COPG2: variants seen among roughly 807,000 people sequenced by gnomAD.
The protein encoded by COPG2 is coatomer subunit gamma-2.
In COPG2, 37 loss-of-function variants were observed where a neutral mutation model predicts 46.3. The ratio of observed to expected loss-of-function variants is 0.80; its 90% CI spans 0.61 to 1.05. COPG2 has a LOEUF of 1.05. Among genes scored for constraint, COPG2 ranks in the 50% least tolerant of loss-of-function variants. The pLI, the probability that COPG2 is intolerant of heterozygous loss-of-function variation, is 0.00. For synonymous variants in COPG2, 159 were observed against 129.7 expected, an observed-to-expected ratio of 1.23 and a Z score of -1.53; for missense variants, 427 against 387.8, an observed-to-expected ratio of 1.10 and a Z score of -0.85.
At position 130,541,695 on chromosome 7, in the gene COPG2, G is replaced by A. The variant is rs1000984871; in HGVS notation, c.2149+5979C>T. On this transcript the variant is annotated intron_variant, in intron 20 of 23. Coordinates refer to ENST00000425248, the MANE Select transcript of COPG2 (RefSeq NM_012133.6). Reference sequence around the variant, plus strand: ...AGGTTTAGGGGAGTCAGGGTTGTGGGGCCCTGGAAAGGACTCATAGCCTGG... The same window carrying A: ...AGGTTTAGGGGAGTCAGGGTTGTGGAGCCCTGGAAAGGACTCATAGCCTGG... Among the ~76,000 whole-genome samples the A allele has an allele frequency of 2.4e-3, 364 of 151,378 alleles. 1 individual carries two copies. Among genetic ancestry groups the A allele is most frequent in the Non-Finnish European group, 3.4e-3 (230 of 67,842 alleles).
chr7:130,640,431 T>A (rs1157380604), intron 5 of COPG2, among the ~76,000 whole-genome samples: 1 of 151,126 alleles, frequency 6.6e-6, no homozygotes, highest in African/African-American at 2.4e-5. Context: ...AGGGTTGTTA[T>A]TTATTATTAT....
At chr7:130,560,615 C>CA (rs1207375315) in intron 12 of COPG2, among the ~76,000 whole-genome samples, 4 of 152,236 alleles carry the variant, frequency 2.6e-5, no homozygotes, top group African/African-American at 9.6e-5. Flanking sequence ...ACTGGATTGA[C>CA]AAACAGTTCA....
At position 130,607,044 on chromosome 7, in the gene COPG2, C is replaced by T. The variant is rs577487418; in HGVS notation, c.737+3909G>A. Reference sequence around the variant, plus strand: ...TTGCTTGAGCTCAGGAGTTTGAGACCGGCCTGGGCAACACTGCGGAACCCC... The same window carrying T: ...TTGCTTGAGCTCAGGAGTTTGAGACTGGCCTGGGCAACACTGCGGAACCCC... On this transcript the variant is annotated intron_variant, in intron 9 of 23. Coordinates refer to ENST00000425248, the MANE Select transcript of COPG2 (RefSeq NM_012133.6). 4.0e-4 allele frequency among the ~76,000 whole-genome samples: 61 copies of T among 151,912 alleles called. 2 individuals are homozygous for T. The highest frequency in any genetic ancestry group is 3.7e-3 in the Admixed American group (57 of 15,248).
Position 130,587,765 on chromosome 7 carries a change from A to G in COPG2, c.737+23188T>C, listed in dbSNP as rs550870808. Among the ~76,000 whole-genome samples, 58 of 152,312 alleles carry G rather than the reference A, an allele frequency of 3.8e-4. No individual in the cohort carries two copies. In the East Asian group the frequency reaches 9.8e-3, roughly 26 times the overall value. On this transcript the variant is annotated intron_variant, in intron 9 of 23. Coordinates refer to ENST00000425248, the MANE Select transcript of COPG2 (RefSeq NM_012133.6). ...CTTCATGTCTAAAACACCAAAAGCA[A>G]TGGCAACAAAAGCCAAAATTGACAA...
intron 3 of COPG2, among the ~76,000 whole-genome samples, chr7:130,664,959 T>A (rs1796044602): frequency 6.6e-6 from 1 of 152,168 alleles, no homozygotes; most frequent in African/African-American, 2.4e-5. Flanking sequence ...GGTGGGCGGA[T>A]CACCTAAGGT....
At chr7:130,583,402 C>T (rs1290459047) in intron 9 of COPG2, among the ~76,000 whole-genome samples, 1 of 144,194 alleles carries the variant, frequency 6.9e-6, no homozygotes, top group Non-Finnish European at 1.5e-5. Flanking sequence ...TGCTAGATGA[C>T]GAGTTAGTGG....
intron 9 of COPG2, chr7:130,604,706 T>C (rs376973568): frequency 1.4e-5 from 7 of 516,506 alleles, no homozygotes; most frequent in African/African-American, 1.2e-4. Context: ...CAAAATACTA[T>C]TTAAAAAATA....
rs972651852 is a variant in COPG2 at position 130,527,663 on chromosome 7, C to T, written c.2150-19004G>A. 9.9e-5 allele frequency among the ~76,000 whole-genome samples: 15 copies of T among 152,224 alleles called. No individual in the cohort carries two copies. In the South Asian group the frequency reaches 1.5e-3, roughly 15 times the overall value. ...AGGCCGCCTTGGGGTCCTGCATCCTCGGGTGAGAATCACTGGTGGACACGG... is the reference window on the plus strand; with the variant it reads ...AGGCCGCCTTGGGGTCCTGCATCCTTGGGTGAGAATCACTGGTGGACACGG... On this transcript the variant is annotated intron_variant, in intron 20 of 23. Coordinates refer to ENST00000425248, the MANE Select transcript of COPG2 (RefSeq NM_012133.6).
chr7:130,508,956 T>C (rs1346392413), intron 20 of COPG2: 4 of 494,506 alleles, frequency 8.1e-6, no homozygotes, highest in South Asian at 5.1e-5. Flanking sequence ...TGGGGGCTTT[T>C]TGCCATGCCT....
intron 5 of COPG2, among the ~76,000 whole-genome samples, chr7:130,620,775 A>G (rs1584585124): frequency 6.6e-6 from 1 of 152,242 alleles, no homozygotes; most frequent in East Asian, 1.9e-4. Flanking sequence ...GAGATTTTAG[A>G]CCTGAGTTAA....
intron 20 of COPG2, among the ~76,000 whole-genome samples, chr7:130,536,621 T>C (rs1436679593): frequency 6.6e-6 from 1 of 151,892 alleles, no homozygotes; most frequent in Non-Finnish European, 1.5e-5. Flanking sequence ...CGGACAGACA[T>C]GTACAATGTG....
chr7:130,596,641 T>C (rs782802930), intron 9 of COPG2, among the ~76,000 whole-genome samples: 4 of 152,146 alleles, frequency 2.6e-5, no homozygotes, highest in Non-Finnish European at 4.4e-5. Flanking sequence ...GGCCTGACCA[T>C]GGAGCTGGTG....
chr7:130,605,641 C>T, intron 9 of COPG2: 1 of 477,508 alleles, frequency 2.1e-6, no homozygotes, highest in South Asian at 1.5e-5. Context: ...CACAGACTAA[C>T]CTCCAGCTGA....
intron 12 of COPG2, among the ~76,000 whole-genome samples, chr7:130,557,465 CA>C (rs1298658286): frequency 7.6e-4 from 115 of 152,208 alleles, no homozygotes; most frequent in Non-Finnish European, 2.1e-4. Context: ...AAAATGTCAA[CA>C]GGGTTTTTTA....
At chr7:130,642,794 G>A (rs563043008) in intron 5 of COPG2, among the ~76,000 whole-genome samples, 305 of 152,162 alleles carry the variant, frequency 2.0e-3, no homozygotes, top group African/African-American at 7.1e-3. Flanking sequence ...AGGCCAAGAC[G>A]GGCAGATCAC....
chr7:130,530,017 G>C (rs1799809234), intron 20 of COPG2, among the ~76,000 whole-genome samples: 2 of 152,198 alleles, frequency 1.3e-5, no homozygotes, highest in Non-Finnish European at 2.9e-5. Flanking sequence ...CAGTGGGAGA[G>C]AGTATGCCCA....
chr7:130,628,059 C>T (rs2116536699), intron 5 of COPG2, among the ~76,000 whole-genome samples: 1 of 152,206 alleles, frequency 6.6e-6, no homozygotes, highest in East Asian at 1.9e-4. Flanking sequence ...TTAGACAATC[C>T]ATTATTAATA....
At chr7:130,603,891 A>G (rs1554450817) in intron 9 of COPG2, 1 of 517,526 alleles carries the variant, frequency 1.9e-6, no homozygotes, top group Non-Finnish European at 3.9e-6. Flanking sequence ...ATAACCTACT[A>G]TTAATCATCT....
At chr7:130,642,305 A>G (rs1795507512) in intron 5 of COPG2, among the ~76,000 whole-genome samples, 1 of 151,870 alleles carries the variant, frequency 6.6e-6, no homozygotes, top group Admixed American at 6.6e-5. Flanking sequence ...ATATTATGCT[A>G]AATCAGTTTT....
Sources: allele counts gnomAD v4.1 joint callset (sites outside exome capture counted in the v4.1 genomes callset), GRCh38; gene constraint gnomAD v4.1.1; transcripts MANE v1.5; gene names NCBI Gene and HGNC (gene_info 2026-07-23, HGNC 2026-07-21).